The following ITPR1 variants were observed in gnomAD, a reference collection of about 807,000 sequenced individuals.
ITPR1 encodes inositol 1,4,5-trisphosphate receptor type 1.
ITPR1 carries 96 observed loss-of-function variants against 318.4 expected under a neutral mutation model. The observed-to-expected ratio is 0.30, with a 90% CI of 0.26 to 0.36. The LOEUF (loss-of-function observed/expected upper bound fraction) is 0.36. ITPR1 is among the 10% of genes least tolerant of loss of function. The probability of loss-of-function intolerance (pLI) is 1.00; values close to 1 mark genes in which losing one functional copy is unlikely to be tolerated. For synonymous variants in ITPR1, 1,312 were observed against 1,289.9 expected (o/e 1.02, Z -0.37); for missense variants, 2,440 against 3,460.2 (o/e 0.71, Z 7.40).
intron 2 of ITPR1, among the ~76,000 whole-genome samples, chr3:4,508,508 G>A (rs1575349245): frequency 1.4e-5 from 2 of 139,916 alleles, no homozygotes; most frequent in Admixed American, 1.5e-4. Context: ...TTAAGTGTGT[G>A]CAGGAGAACT....
intron 4 of ITPR1, among the ~76,000 whole-genome samples, chr3:4,548,658 AT>A (rs1185010756): frequency 2.0e-5 from 3 of 152,098 alleles, no homozygotes; most frequent in African/African-American, 7.2e-5. Flanking sequence ...AAGGCATTTT[AT>A]TTGGGGGGAT....
At position 4,784,453 on chromosome 3, in the gene ITPR1, C is replaced by G. The variant is rs140895593; in HGVS notation, c.6615+533C>G. 2.2e-4 allele frequency among the ~76,000 whole-genome samples: 33 copies of G among 152,136 alleles called. No homozygotes were observed. In the East Asian group the frequency reaches 6.4e-3, roughly 29 times the overall value. ...AGGGAAAGGCAGGCAGCCCTGATCTCACAGGGTCCTATCAACCATCCTTAT... is the reference window on the plus strand; with the variant it reads ...AGGGAAAGGCAGGCAGCCCTGATCTGACAGGGTCCTATCAACCATCCTTAT... On this transcript the variant is annotated intron_variant, in intron 51 of 61. Coordinates refer to ENST00000649015, the MANE Select transcript of ITPR1 (RefSeq NM_001378452.1).
intron 4 of ITPR1, 41 bp downstream of exon 4, chr3:4,521,135 T>G: frequency 7.5e-7 from 1 of 1,339,958 alleles, no homozygotes; most frequent in Non-Finnish European, 1.1e-6. Flanking sequence ...CTTGACTCAC[T>G]TGAAAATTCT....
chr3:4,497,316 C>T (rs981709428), intron 2 of ITPR1, among the ~76,000 whole-genome samples: 11 of 71,710 alleles, frequency 1.5e-4, no homozygotes, highest in Non-Finnish European at 2.4e-4. Flanking sequence ...TTAACAGACT[C>T]TAAGACCTGT....
intron 40 of ITPR1, 38 bp downstream of exon 40, chr3:4,717,437 G>A: frequency 6.5e-7 from 1 of 1,535,038 alleles, no homozygotes; most frequent in East Asian, 2.2e-5. Context: ...CATGTCTCAT[G>A]GTGGTGTTTC....
At chr3:4,510,601 C>G (rs1334596902) in intron 2 of ITPR1, among the ~76,000 whole-genome samples, 1 of 152,136 alleles carries the variant, frequency 6.6e-6, no homozygotes, top group East Asian at 1.9e-4. Context: ...CTACTATGTG[C>G]TAGGCATTGG....
At chr3:4,562,410 A>T (rs999213350) in intron 4 of ITPR1, among the ~76,000 whole-genome samples, 2 of 152,104 alleles carry the variant, frequency 1.3e-5, no homozygotes, top group African/African-American at 4.8e-5. Context: ...TTTTAATTTT[A>T]TTTATTTTGT....
chr3:4,778,494 T>G (rs557697829), intron 48 of ITPR1, among the ~76,000 whole-genome samples: 3 of 152,360 alleles, frequency 2.0e-5, no homozygotes, highest in South Asian at 2.1e-4. Flanking sequence ...GGAATGGCAG[T>G]TATTTTTTCT....
intron 4 of ITPR1, among the ~76,000 whole-genome samples, chr3:4,542,112 G>A (rs2084514844): frequency 6.6e-6 from 1 of 151,962 alleles, no homozygotes; most frequent in South Asian, 2.1e-4. Context: ...TGAAACGTTT[G>A]GTCATTCTCA....
chr3:4,709,472 T>C (rs2094826257), intron 37 of ITPR1, among the ~76,000 whole-genome samples: 1 of 152,274 alleles, frequency 6.6e-6, no homozygotes, highest in African/African-American at 2.4e-5. Flanking sequence ...GCAAATGTCC[T>C]TGGGTAACCA....
At chr3:4,735,860 T>C (rs931389) in intron 44 of ITPR1, among the ~76,000 whole-genome samples, 78,990 of 152,058 alleles carry the variant, frequency 0.52, 22,495 homozygotes, top group East Asian at 0.86. Context: ...TTTGAAATAC[T>C]AGAGATACCA....
In ITPR1 at chr3:4,534,816, T is replaced by TC. The variant is rs537761305; in HGVS notation, c.163+13727dup. On this transcript the variant is annotated intron_variant, in intron 4 of 61. Transcript: ENST00000649015. ...AATTTCTGTGACTAAGGTCCTCTCC[T>TC]CCCCCTATAACCATTCCCAGAATCG... Among the ~76,000 whole-genome samples, 104 of 152,208 alleles carry TC rather than the reference T, an allele frequency of 6.8e-4. 1 individual carries two copies. The South Asian group carries it at 0.021, about 31-fold the overall frequency.
At chr3:4,576,344 A>T (rs1159758257) in intron 4 of ITPR1, among the ~76,000 whole-genome samples, 1 of 152,214 alleles carries the variant, frequency 6.6e-6, no homozygotes, top group Non-Finnish European at 1.5e-5. Context: ...ACAAGTTAAA[A>T]ATGTAGATTC....
intron 44 of ITPR1, chr3:4,749,544 T>G (rs2044346874): frequency 6.6e-6 from 1 of 152,224 alleles, no homozygotes; most frequent in Non-Finnish European, 1.5e-5. Flanking sequence ...TACCTTCCAC[T>G]GCACTTCACT....
intron 61 of ITPR1, among the ~76,000 whole-genome samples, chr3:4,845,654 AT>A (rs3840251): frequency 0.33 from 50,249 of 151,106 alleles, 8,761 homozygotes; most frequent in Non-Finnish European, 0.38. Flanking sequence ...ATGGTAGGTA[AT>A]TTTTTTTTTC....
At chr3:4,637,681 G>A (rs542157657) in intron 5 of ITPR1, among the ~76,000 whole-genome samples, 7 of 152,198 alleles carry the variant, frequency 4.6e-5, no homozygotes, top group Non-Finnish European at 1.0e-4. Context: ...AACTTGCAGT[G>A]ATCTATGCTA....
rs370027955 is a variant in ITPR1, at chr3:4,694,377, A to G, written c.4281+636A>G. ...TAAAGTATGTATTGTAGGTTTTACA[A>G]TGTGTAATATTAGTTTGTAGTACAC... On this transcript the variant is annotated intron_variant, in intron 33 of 61. Coordinates refer to ENST00000649015, the MANE Select transcript of ITPR1 (RefSeq NM_001378452.1). 8.6e-5 allele frequency among the ~76,000 whole-genome samples: 13 copies of G among 151,050 alleles called. No individual in the cohort carries two copies. In the East Asian group the frequency reaches 9.7e-4, roughly 11 times the overall value.
intron 4 of ITPR1, among the ~76,000 whole-genome samples, chr3:4,603,040 A>G (rs1232512718): frequency 6.6e-6 from 1 of 152,200 alleles, no homozygotes; most frequent in Non-Finnish European, 1.5e-5. Context: ...GTTCAAGCTT[A>G]CTGGTAACAA....
At chr3:4,719,941 G>C (rs1345431409) in intron 40 of ITPR1, among the ~76,000 whole-genome samples, 2 of 152,128 alleles carry the variant, frequency 1.3e-5, no homozygotes, top group South Asian at 4.1e-4. Flanking sequence ...GGAGGAGAGA[G>C]AGAAACTCCT....
Sources: gnomAD v4.1 joint callset for allele counts (sites outside exome capture counted in the v4.1 genomes callset) on GRCh38, gnomAD v4.1.1 for gene constraint, MANE v1.5 for transcripts, NCBI Gene and HGNC (gene_info 2026-07-23, HGNC 2026-07-21) for gene names.